Variants in CCNH observed in about 807,000 individuals in gnomAD.
CCNH encodes the protein cyclin-H.
A neutral mutation model predicts 41.9 loss-of-function variants in CCNH; 31 were observed. That is an observed-to-expected ratio of 0.74 (90% CI 0.56 to 1.00). CCNH has a LOEUF of 1.00. CCNH is among the 50% of genes least tolerant of loss of function. CCNH has a pLI of 0.00. For synonymous variants in CCNH, 138 were observed against 136.1 expected (o/e 1.01, Z -0.10); for missense variants, 362 against 388.4 (o/e 0.93, Z 0.57).
At chr5:87,354,783 AGTT>A (rs1759529113) in intron 9 of CCNH, among the ~76,000 whole-genome samples, 1 of 152,230 alleles carries the variant, frequency 6.6e-6, no homozygotes, top group Non-Finnish European at 1.5e-5. Flanking sequence ...GCAAAGGAAG[AGTT>A]GTTGAAGGAA....
chr5:87,390,662 A>T, downstream of CCNH: 3 of 738,892 alleles, frequency 4.1e-6, no homozygotes, highest in Non-Finnish European at 7.3e-6. Flanking sequence ...AATAATAGAG[A>T]CTTATGTTTT....
At chr5:87,391,100 G>T (rs1762480924), downstream of CCNH, 2 of 625,788 alleles carry the variant, frequency 3.2e-6, no homozygotes, top group Admixed American at 2.6e-5. Flanking sequence ...ATTTCCACAT[G>T]GAATCAATCT....
At chr5:87,318,875 G>A (rs1370610051) in exon 10 of CCNH, 4 of 152,194 alleles carry the variant, frequency 2.6e-5, no homozygotes, top group African/African-American at 9.6e-5. Context: ...CTGAGACAAG[G>A]CAAGTCCATT....
At chr5:87,378,302 T>C, upstream of CCNH, 2 of 1,434,676 alleles carry the variant, frequency 1.4e-6, no homozygotes, top group East Asian at 4.6e-5. Flanking sequence ...AAGTGGCTAT[T>C]CCTGTTGAGG....
chr5:87,338,144 T>C, intron 9 of CCNH: 1 of 1,606,502 alleles, frequency 6.2e-7, no homozygotes. Context: ...TTTATAAATT[T>C]GGATCTTGTC....
chr5:87,357,603 G>A (rs1759748193), intron 9 of CCNH, among the ~76,000 whole-genome samples: 1 of 152,150 alleles, frequency 6.6e-6, no homozygotes, highest in South Asian at 2.1e-4. Context: ...TACTCTGGAG[G>A]CTGAGGCAGG....
chr5:87,360,997 G>A (rs1760045683), intron 9 of CCNH, among the ~76,000 whole-genome samples: 2 of 152,042 alleles, frequency 1.3e-5, no homozygotes, highest in South Asian at 2.1e-4. Flanking sequence ...AAAAGATGCC[G>A]CAATACTTTG....
At chr5:87,371,085 T>A (rs1423142631) in intron 9 of CCNH, among the ~76,000 whole-genome samples, 1 of 152,120 alleles carries the variant, frequency 6.6e-6, no homozygotes, top group Admixed American at 6.6e-5. Flanking sequence ...CAGTATCCTA[T>A]TTTCTAAGTA....
chr5:87,370,405 T>C (rs1001388195), intron 9 of CCNH, among the ~76,000 whole-genome samples: 6 of 152,224 alleles, frequency 3.9e-5, no homozygotes, highest in South Asian at 2.1e-4. Flanking sequence ...GTCCTTCTTA[T>C]AGCGTCTATT....
chr5:87,386,774 TCAAA>T (rs1158017360), downstream of CCNH: 2 of 1,504,136 alleles, frequency 1.3e-6, no homozygotes, highest in African/African-American at 2.8e-5. Context: ...ACCTAATAGA[TCAAA>T]CAGTGGTTTG....
chr5:87,349,362 C>T, intron 9 of CCNH: 2 of 1,611,290 alleles, frequency 1.2e-6, no homozygotes, highest in Non-Finnish European at 1.7e-6. Context: ...GGTATTATAA[C>T]AGGTAAATCA....
exon 1 of CCNH, chr5:87,376,838 T>C: frequency 1.3e-6 from 2 of 1,533,424 alleles, no homozygotes; most frequent in Non-Finnish European, 1.8e-6. Flanking sequence ...AGCATGCTTA[T>C]AATGCTACGT....
intron 9 of CCNH, among the ~76,000 whole-genome samples, chr5:87,365,809 CTAGTT>C (rs1416980468): frequency 6.6e-6 from 1 of 151,776 alleles, no homozygotes; most frequent in Non-Finnish European, 1.5e-5. Flanking sequence ...TATGGAAATG[CTAGTT>C]AAGTTTATGA....
At chr5:87,403,028 C>A (rs888403040) in intron 5 of CCNH, among the ~76,000 whole-genome samples, 4 of 152,044 alleles carry the variant, frequency 2.6e-5, no homozygotes, top group African/African-American at 9.7e-5. Flanking sequence ...TCTAAATCTG[C>A]AAGAAAGAGA....
At chr5:87,341,213 T>TA (rs1254649982) in intron 9 of CCNH, 4 of 858,440 alleles carry the variant, frequency 4.7e-6, no homozygotes, top group East Asian at 3.4e-5. Context: ...TGTTTGCAGA[T>TA]ACGATTTTCA....
upstream of CCNH, among the ~76,000 whole-genome samples, chr5:87,377,950 T>G (rs777276492): frequency 3.0e-4 from 46 of 152,246 alleles, no homozygotes; most frequent in Non-Finnish European, 3.7e-4. Flanking sequence ...CATTAAAATT[T>G]TACTGAAACT....
intron 9 of CCNH, among the ~76,000 whole-genome samples, chr5:87,329,636 A>G (rs1175743406): frequency 6.6e-6 from 1 of 152,218 alleles, no homozygotes; most frequent in Non-Finnish European, 1.5e-5. Flanking sequence ...TACCTAAGAC[A>G]TAACAGAAAT....
At chr5:87,346,932 C>T (rs1036623095) in intron 9 of CCNH, among the ~76,000 whole-genome samples, 5 of 151,704 alleles carry the variant, frequency 3.3e-5, no homozygotes, top group Non-Finnish European at 7.4e-5. Context: ...TTTCTTTTAC[C>T]CCAGGCCCCT....
intron 9 of CCNH, chr5:87,363,219 G>T: frequency 1.2e-6 from 1 of 841,704 alleles, no homozygotes; most frequent in South Asian, 1.6e-5. Flanking sequence ...CATTATGTAA[G>T]AATTGGCATA....
Sources: allele counts gnomAD v4.1 joint callset (sites outside exome capture counted in the v4.1 genomes callset), GRCh38; gene constraint gnomAD v4.1.1; transcripts MANE v1.5; gene names NCBI Gene and HGNC (gene_info 2026-07-23, HGNC 2026-07-21).